Variants in RBFOX1 observed in about 807,000 individuals in gnomAD.
RBFOX1 encodes the protein RNA binding fox-1 homolog 1.
A neutral mutation model predicts 57.7 loss-of-function variants in RBFOX1; 8 were observed. The observed-to-expected ratio is 0.14, with a 90% CI of 0.08 to 0.25. The LOEUF is 0.25. Ranked by LOEUF, RBFOX1 falls within the 10% of genes least tolerant of loss-of-function variation. The pLI is 1.00. For missense variants in RBFOX1, 611 were observed against 548.5 expected, an observed-to-expected ratio of 1.11 and a Z score of -1.14; for synonymous variants, 326 against 222.4, an observed-to-expected ratio of 1.47 and a Z score of -4.15.
intron 2 of RBFOX1, among the ~76,000 whole-genome samples, chr16:6,558,339 C>G (rs1326155832): frequency 6.6e-6 from 1 of 152,144 alleles, no homozygotes; most frequent in African/African-American, 2.4e-5. Context: ...TGCTGCTGCT[C>G]CTGGCACCCC....
chr16:6,260,662 G>A (rs1258622501), intron 1 of RBFOX1, among the ~76,000 whole-genome samples: 1 of 152,158 alleles, frequency 6.6e-6, no homozygotes, highest in African/African-American at 2.4e-5. Flanking sequence ...TGGATCACTT[G>A]AGGTCACGAG....
intron 3 of RBFOX1, among the ~76,000 whole-genome samples, chr16:5,757,113 G>T (rs1413481880): frequency 6.6e-6 from 1 of 152,086 alleles, no homozygotes; most frequent in Non-Finnish European, 1.5e-5. Context: ...AGTTGACTGA[G>T]ACTCTGCCAT....
intron 2 of RBFOX1, among the ~76,000 whole-genome samples, chr16:6,590,451 T>A (rs1399142546): frequency 1.3e-5 from 2 of 152,220 alleles, no homozygotes; most frequent in African/African-American, 2.4e-5. Context: ...TCCATGCTTT[T>A]ACACAGTAGC....
At chr16:6,393,188 C>A (rs915774233) in intron 2 of RBFOX1, among the ~76,000 whole-genome samples, 3 of 152,222 alleles carry the variant, frequency 2.0e-5, no homozygotes, top group Non-Finnish European at 4.4e-5. Flanking sequence ...ACCCCTCCAT[C>A]TGTAGATGCT....
At chr16:7,411,319 ATCC>A (rs2149093882) in intron 4 of RBFOX1, among the ~76,000 whole-genome samples, 1 of 152,238 alleles carries the variant, frequency 6.6e-6, no homozygotes, top group South Asian at 2.1e-4. Context: ...ATCAGGTCTC[ATCC>A]TCCTCAGTTT....
intron 2 of RBFOX1, among the ~76,000 whole-genome samples, chr16:6,635,396 T>C (rs1238831233): frequency 6.6e-6 from 1 of 152,080 alleles, no homozygotes; most frequent in African/African-American, 2.4e-5. Flanking sequence ...CCCATGATCC[T>C]TATCCATGCA....
At chr16:6,652,682 C>T (rs184356154) in intron 2 of RBFOX1, among the ~76,000 whole-genome samples, 11 of 152,048 alleles carry the variant, frequency 7.2e-5, no homozygotes, top group East Asian at 5.8e-4. Flanking sequence ...CATTCCTAGC[C>T]GACTCATACA....
At chr16:7,054,232 G>GGGGGGT (rs2051202151) in intron 4 of RBFOX1, among the ~76,000 whole-genome samples, 1 of 32,700 alleles carries the variant, frequency 3.1e-5, no homozygotes, top group Non-Finnish European at 5.0e-5. Context: ...GGGGCGGGGA[G>GGGGGGT]CTTTTTTTTT....
At chr16:6,318,388 T>A (rs1322689339) in intron 2 of RBFOX1, among the ~76,000 whole-genome samples, 1 of 152,198 alleles carries the variant, frequency 6.6e-6, no homozygotes, top group African/African-American at 2.4e-5. Flanking sequence ...TGGCATGAAG[T>A]CTGTTCAAAT....
chr16:5,639,552 G>A (rs1315031038), intron 3 of RBFOX1, among the ~76,000 whole-genome samples: 3 of 152,144 alleles, frequency 2.0e-5, no homozygotes, highest in African/African-American at 7.2e-5. Flanking sequence ...TTTAGAGGGA[G>A]CAAGAAGTGT....
chr16:7,369,214 A>G (rs1390621902), intron 4 of RBFOX1, among the ~76,000 whole-genome samples: 1 of 151,978 alleles, frequency 6.6e-6, no homozygotes, highest in Non-Finnish European at 1.5e-5. Context: ...CCAGCCCAAT[A>G]GTAAAAAGCA....
intron 3 of RBFOX1, among the ~76,000 whole-genome samples, chr16:5,793,484 G>A (rs1243391198): frequency 1.3e-5 from 2 of 152,264 alleles, no homozygotes; most frequent in Non-Finnish European, 2.9e-5. Flanking sequence ...CCAGGAAGCT[G>A]ATGTGGCACT....
intron 2 of RBFOX1, among the ~76,000 whole-genome samples, chr16:5,522,888 C>T (rs2044075616): frequency 1.3e-5 from 2 of 152,132 alleles, no homozygotes; most frequent in Admixed American, 1.3e-4. Flanking sequence ...TTTTTTATGG[C>T]TGAATAGCAT....
chr16:5,655,401 C>T (rs2049392737), intron 3 of RBFOX1, among the ~76,000 whole-genome samples: 1 of 152,168 alleles, frequency 6.6e-6, no homozygotes, highest in African/African-American at 2.4e-5. Flanking sequence ...TCTCCTGCTC[C>T]TTGGAGGTGG....
chr16:7,627,581 C>G (rs1007672299), intron 10 of RBFOX1, among the ~76,000 whole-genome samples: 4 of 152,164 alleles, frequency 2.6e-5, no homozygotes, highest in African/African-American at 9.7e-5. Context: ...CAATGAAGAG[C>G]TATGTTGAAG....
intron 3 of RBFOX1, among the ~76,000 whole-genome samples, chr16:5,692,124 G>T (rs1170362135): frequency 6.6e-6 from 1 of 151,240 alleles, no homozygotes; most frequent in East Asian, 1.9e-4. Context: ...AATAAACTAG[G>T]CAAATTCACA....
At position 6,626,525 on chromosome 16, in the gene RBFOX1, C is replaced by T. The variant is rs998278824; in HGVS notation, c.-63-28078C>T. ...CTGTAATCCCAGCACTTTGGGAGGC[C>T]GAGGCAGGCGGATCACCTGGGATCA... is the stretch of plus-strand genomic sequence containing the variant. On this transcript the variant is annotated intron_variant, in intron 2 of 15. Coordinates refer to ENST00000550418, the MANE Select transcript of RBFOX1 (RefSeq NM_018723.4). Among the ~76,000 whole-genome samples, 7 of 152,196 alleles carry T rather than the reference C, an allele frequency of 4.6e-5. 1 individual carries two copies. Among genetic ancestry groups the T allele is most frequent in the Admixed American group, 3.9e-4 (6 of 15,296 alleles).
At chr16:6,997,992 T>TA (rs150385694) in intron 3 of RBFOX1, among the ~76,000 whole-genome samples, 4,612 of 151,080 alleles carry the variant, frequency 0.031, 170 homozygotes, top group African/African-American at 0.087. Context: ...CCTAGCAAAG[T>TA]AAAAAAAAAC....
rs199794236 is a variant in RBFOX1, at chr16:6,402,094, G to GA, written c.-64+85051dup. Among the ~76,000 whole-genome samples, 384 of 98,176 alleles carry GA rather than the reference G, an allele frequency of 3.9e-3. 1 individual carries two copies. The highest frequency in any genetic ancestry group is 6.0e-3 in the Middle Eastern group (1 of 166). The allele number at this position is 98,176 out of a possible 152,430, so 64.4% of individuals were successfully genotyped here. A position where few individuals can be genotyped will look rare whatever the true frequency, so the allele number is the denominator to read the frequency against. On this transcript the variant is annotated intron_variant, in intron 2 of 15. Coordinates refer to ENST00000550418, the MANE Select transcript of RBFOX1 (RefSeq NM_018723.4). ...TGAGATGACTGGGGAGAAGAAAACA[G>GA]AAAAAAAAAAAAAAGCATTTTCTTG...
Sources: allele counts gnomAD v4.1 joint callset (sites outside exome capture counted in the v4.1 genomes callset), GRCh38; gene constraint gnomAD v4.1.1; transcripts MANE v1.5; gene names NCBI Gene and HGNC (gene_info 2026-07-23, HGNC 2026-07-21).